The following RBFOX1 variants were observed in gnomAD, a reference collection of about 807,000 sequenced individuals.
RBFOX1 encodes the protein RNA binding protein fox-1 homolog 1.
In RBFOX1, 8 loss-of-function variants were observed where a neutral mutation model predicts 57.7. The observed-to-expected ratio is 0.14, with a 90% CI of 0.08 to 0.25. The LOEUF (loss-of-function observed/expected upper bound fraction) is 0.25. RBFOX1 is among the 10% of genes least tolerant of loss of function. The pLI is 1.00. For synonymous variants in RBFOX1, 326 were observed against 222.4 expected (o/e 1.47, Z -4.15); for missense variants, 611 against 548.5 (o/e 1.11, Z -1.14).
chr16:6,469,182 G>C lies in RBFOX1; in HGVS notation c.-64+152125G>C, dbSNP rs1462411823. On this transcript the variant is annotated intron_variant, in intron 2 of 15. Coordinates refer to ENST00000550418, the MANE Select transcript of RBFOX1 (RefSeq NM_018723.4). Reference sequence around the variant, plus strand: ...AGAGATCCTGGTAGAAAAGAAAATAGAGTCAAGAAAAAAGAAAGTGCAGAG... The same window carrying C: ...AGAGATCCTGGTAGAAAAGAAAATACAGTCAAGAAAAAAGAAAGTGCAGAG... 3.3e-5 allele frequency among the ~76,000 whole-genome samples: 5 copies of C among 152,244 alleles called. No individual in the cohort carries two copies. In the East Asian group the frequency reaches 9.6e-4, roughly 29 times the overall value.
intron 3 of RBFOX1, among the ~76,000 whole-genome samples, chr16:6,999,719 G>GA (rs1322550644): frequency 6.6e-6 from 1 of 151,722 alleles, no homozygotes; most frequent in Non-Finnish European, 1.5e-5. Flanking sequence ...ATGTATATTG[G>GA]AAAAAATGAA....
chr16:6,298,117 G>A (rs929757923), intron 1 of RBFOX1, among the ~76,000 whole-genome samples: 3 of 152,200 alleles, frequency 2.0e-5, no homozygotes, highest in African/African-American at 4.8e-5. Context: ...AGAGCACACT[G>A]TAACACACGC....
chr16:6,257,821 T>A (rs2097677814), intron 1 of RBFOX1, among the ~76,000 whole-genome samples: 1 of 152,198 alleles, frequency 6.6e-6, no homozygotes, highest in Non-Finnish European at 1.5e-5. Context: ...ATCCACTCTA[T>A]CATTAATGGG....
intron 3 of RBFOX1, among the ~76,000 whole-genome samples, chr16:5,832,921 C>T (rs7206592): frequency 9.1e-4 from 138 of 152,274 alleles, no homozygotes; most frequent in African/African-American, 3.2e-3. Flanking sequence ...TATCCCCAGG[C>T]TGTAGAAATC....
chr16:5,406,687 T>C (rs1047646695), intron 1 of RBFOX1, among the ~76,000 whole-genome samples: 1 of 152,202 alleles, frequency 6.6e-6, no homozygotes, highest in Non-Finnish European at 1.5e-5. Flanking sequence ...CTATTGGTTC[T>C]GTTTTCTGGA....
At chr16:7,119,751 T>C (rs2066698825) in intron 4 of RBFOX1, among the ~76,000 whole-genome samples, 1 of 151,336 alleles carries the variant, frequency 6.6e-6, no homozygotes, top group East Asian at 1.9e-4. Context: ...AAATGGAGAG[T>C]CTACAAACAT....
At chr16:7,524,312 G>A (rs1408666721) in intron 5 of RBFOX1, among the ~76,000 whole-genome samples, 1 of 152,164 alleles carries the variant, frequency 6.6e-6, no homozygotes, top group Non-Finnish European at 1.5e-5. Flanking sequence ...AATGCAGACA[G>A]AAAAGACTTA....
chr16:7,423,659 T>C (rs555723493), intron 4 of RBFOX1, among the ~76,000 whole-genome samples: 136 of 152,274 alleles, frequency 8.9e-4, no homozygotes, highest in Non-Finnish European at 1.8e-3. Context: ...ATGGTGCATG[T>C]GATTTGGGGA....
rs150836562 is a variant in RBFOX1, at chr16:6,222,874, C to A, written c.-126-94121C>A. ...CCCTACCCCCACCCCACAACAGTCC[C>A]CAGAGTGTGATGTTCCCCTTCTGTG... On this transcript the variant is annotated intron_variant, in intron 1 of 15. Transcript: ENST00000550418. Among the ~76,000 whole-genome samples, 1,085 of 151,932 alleles carry A rather than the reference C, an allele frequency of 7.1e-3. 11 individuals carry two copies. Among genetic ancestry groups the A allele is most frequent in the African/African-American group, 0.025 (1,033 of 41,414 alleles).
intron 3 of RBFOX1, among the ~76,000 whole-genome samples, chr16:7,023,404 G>C (rs1235199451): frequency 1.3e-5 from 2 of 151,144 alleles, no homozygotes; most frequent in South Asian, 2.1e-4. Flanking sequence ...AGGTTGCAGT[G>C]AGCCGAGATC....
At chr16:6,848,140 G>A (rs1389674075) in intron 3 of RBFOX1, among the ~76,000 whole-genome samples, 3 of 151,974 alleles carry the variant, frequency 2.0e-5, no homozygotes, top group Admixed American at 6.6e-5. Flanking sequence ...ATCCAAGACT[G>A]TCTAATGCTG....
chr16:6,423,615 A>T (rs1285392275), intron 2 of RBFOX1, among the ~76,000 whole-genome samples: 3 of 151,970 alleles, frequency 2.0e-5, no homozygotes, highest in Non-Finnish European at 2.9e-5. Context: ...AATAAAAAAT[A>T]AAAAAAAGGA....
chr16:7,098,539 A>G (rs962181051), intron 4 of RBFOX1, among the ~76,000 whole-genome samples: 1 of 152,228 alleles, frequency 6.6e-6, no homozygotes, highest in East Asian at 1.9e-4. Context: ...ACTTTATTGA[A>G]ATGTAACACA....
At chr16:7,006,972 G>A (rs2093341807) in intron 3 of RBFOX1, among the ~76,000 whole-genome samples, 1 of 152,148 alleles carries the variant, frequency 6.6e-6, no homozygotes, top group Non-Finnish European at 1.5e-5. Context: ...ACTGCCAGAA[G>A]TACCACACAT....
intron 2 of RBFOX1, among the ~76,000 whole-genome samples, chr16:6,571,477 C>G (rs918012149): frequency 6.6e-6 from 1 of 152,124 alleles, no homozygotes; most frequent in Admixed American, 6.5e-5. Flanking sequence ...TATAGATTTT[C>G]TTTCCTGATT....
intron 3 of RBFOX1, among the ~76,000 whole-genome samples, chr16:6,876,320 A>T (rs546657164): frequency 3.2e-4 from 48 of 152,330 alleles, no homozygotes; most frequent in Non-Finnish European, 6.8e-4. Flanking sequence ...TTCAATGGAC[A>T]ATGAATGACT....
At chr16:6,078,821 G>A (rs1343820551) in intron 1 of RBFOX1, among the ~76,000 whole-genome samples, 1 of 152,172 alleles carries the variant, frequency 6.6e-6, no homozygotes, top group Non-Finnish European at 1.5e-5. Context: ...ATGTCTTTAA[G>A]TTTGTTGCTG....
At chr16:6,168,818 C>CTT (rs1027823436) in intron 1 of RBFOX1, among the ~76,000 whole-genome samples, 4 of 143,882 alleles carry the variant, frequency 2.8e-5, no homozygotes, top group African/African-American at 7.6e-5. Context: ...CACTTTTTTA[C>CTT]TTTTTTTTTT....
At chr16:6,563,892 A>G (rs2097219270) in intron 2 of RBFOX1, among the ~76,000 whole-genome samples, 1 of 151,366 alleles carries the variant, frequency 6.6e-6, no homozygotes, top group Non-Finnish European at 1.5e-5. Flanking sequence ...GTGTGTGTGT[A>G]TATGTGCGTA....
Sources: gnomAD v4.1 joint callset for allele counts (sites outside exome capture counted in the v4.1 genomes callset) on GRCh38, gnomAD v4.1.1 for gene constraint, MANE v1.5 for transcripts, NCBI Gene and HGNC (gene_info 2026-07-23, HGNC 2026-07-21) for gene names.